TAMM41: variants seen among roughly 807,000 people sequenced by gnomAD.
The protein encoded by TAMM41 is phosphatidate cytidylyltransferase, mitochondrial.
In TAMM41, 36 loss-of-function variants were observed where a neutral mutation model predicts 44.1. The ratio of observed to expected loss-of-function variants is 0.82; its 90% confidence interval spans 0.63 to 1.08. The LOEUF is 1.08. TAMM41 is among the 50% of genes least tolerant of loss of function. The pLI, the probability that TAMM41 is intolerant of heterozygous loss-of-function variation, is 0.00. For synonymous variants in TAMM41, 164 were observed against 153.1 expected (o/e 1.07, Z -0.53); for missense variants, 417 against 404.3 (o/e 1.03, Z -0.27).
At chr3:11,733,004 G>GTT in the TAMM41 span, among the ~76,000 whole-genome samples, 35 of 77,952 alleles carry the variant, frequency 4.5e-4, no homozygotes, top group Non-Finnish European at 7.2e-4. Context: ...TTTTTTGTTT[G>GTT]TTTGTTTGTT....
the TAMM41 span, among the ~76,000 whole-genome samples, chr3:11,726,407 C>G: frequency 6.6e-6 from 1 of 152,344 alleles, no homozygotes; most frequent in East Asian, 1.9e-4. Context: ...ACCTGCTCTG[C>G]CTGGAGCCCT....
chr3:11,758,756 C>T, the TAMM41 span, among the ~76,000 whole-genome samples: 1 of 150,156 alleles, frequency 6.7e-6, no homozygotes, highest in South Asian at 2.1e-4. Context: ...TCACTGCAAC[C>T]CCCGCCTCCC....
the TAMM41 span, chr3:11,771,226 ATGGGGGAC>A: frequency 1.4e-4 from 22 of 152,440 alleles, no homozygotes; most frequent in African/African-American, 5.1e-4. Flanking sequence ...GACACTAGGG[ATGGGGGAC>A]TGGCTCACCT....
intron 7 of TAMM41, chr3:11,807,330 A>G: frequency 6.9e-7 from 1 of 1,454,350 alleles, no homozygotes; most frequent in Non-Finnish European, 9.0e-7. Flanking sequence ...GGTGGGTGCC[A>G]GAGTTGACTT....
intron 6 of TAMM41, 175 bp from the exon 7 acceptor site, chr3:11,808,070 G>A: frequency 7.8e-7 from 1 of 1,288,330 alleles, no homozygotes; most frequent in Non-Finnish European, 1.0e-6. Flanking sequence ...TTGAGGGCCA[G>A]GAGACCAGAG....
intron 5 of TAMM41, among the ~76,000 whole-genome samples, chr3:11,810,329 A>G (rs1338405651): frequency 1.3e-5 from 2 of 152,364 alleles, no homozygotes; most frequent in East Asian, 3.8e-4. Flanking sequence ...CGGTTCCCAA[A>G]GTATTCTAAA....
chr3:11,749,973 C>G, the TAMM41 span, among the ~76,000 whole-genome samples: 1 of 151,084 alleles, frequency 6.6e-6, no homozygotes, highest in Non-Finnish European at 1.5e-5. Context: ...TCTGGGCTCA[C>G]TGCAAGCTCC....
chr3:11,820,693 C>A lies in TAMM41; in HGVS notation c.563-3356G>T, dbSNP rs1275904210. ...ATAACATCATGGGCACAGCACGAAC[C>A]AGCATCTGATCATAACAATCAATTT... On this transcript the variant is annotated intron_variant, in intron 4 of 7. Coordinates refer to ENST00000455809, the MANE Select transcript of TAMM41 (RefSeq NM_001284401.2). Among the ~76,000 whole-genome samples the A allele has an allele frequency of 4.6e-4, 70 of 152,196 alleles. 1 individual carries two copies. The highest frequency in any genetic ancestry group is 4.6e-3 in the Admixed American group (70 of 15,278).
chr3:11,736,311 C>T, the TAMM41 span, among the ~76,000 whole-genome samples: 103 of 152,230 alleles, frequency 6.8e-4, no homozygotes, highest in Middle Eastern at 3.4e-3. Flanking sequence ...CCTGGGCAGG[C>T]GCTTCCCATC....
At chr3:11,816,607 A>C (rs2078286855) in intron 5 of TAMM41, among the ~76,000 whole-genome samples, 1 of 152,124 alleles carries the variant, frequency 6.6e-6, no homozygotes, top group Non-Finnish European at 1.5e-5. Context: ...CTACAAAAAA[A>C]ATACAAAAAT....
intron 7 of TAMM41, among the ~76,000 whole-genome samples, chr3:11,793,183 A>G (rs1323960618): frequency 6.6e-6 from 1 of 152,204 alleles, no homozygotes; most frequent in East Asian, 1.9e-4. Flanking sequence ...AGTAAGCAAA[A>G]GAGACAACTC....
chr3:11,828,227 CTA>C (rs2078837715), intron 4 of TAMM41, among the ~76,000 whole-genome samples: 1 of 152,148 alleles, frequency 6.6e-6, no homozygotes, highest in African/African-American at 2.4e-5. Flanking sequence ...CCTACAGAGC[CTA>C]TGTCATTTTC....
At chr3:11,729,530 CTTTCTTTCATTTTT>C in the TAMM41 span, among the ~76,000 whole-genome samples, 2 of 52,820 alleles carry the variant, frequency 3.8e-5, no homozygotes, top group African/African-American at 1.3e-4. Context: ...TCTTTCTTTT[CTTTCTTTCATTTTT>C]TTTTTTTTTT....
At chr3:11,773,076 C>T in the TAMM41 span, among the ~76,000 whole-genome samples, 1 of 152,124 alleles carries the variant, frequency 6.6e-6, no homozygotes, top group Non-Finnish European at 1.5e-5. Context: ...CCTGCCTCAT[C>T]CTCCCGAGTA....
the TAMM41 span, among the ~76,000 whole-genome samples, chr3:11,756,619 A>T: frequency 6.6e-6 from 1 of 152,100 alleles, no homozygotes; most frequent in Non-Finnish European, 1.5e-5. Context: ...TAATCTCAGC[A>T]CTTTGGGAGG....
chr3:11,774,347 G>A, the TAMM41 span, among the ~76,000 whole-genome samples: 1 of 152,178 alleles, frequency 6.6e-6, no homozygotes, highest in Non-Finnish European at 1.5e-5. Context: ...CCCTTTCTAT[G>A]TGCACCTGGA....
chr3:11,808,074 AC>A, intron 6 of TAMM41, 179 bp from the exon 7 acceptor site: 1 of 1,267,782 alleles, frequency 7.9e-7, no homozygotes, highest in Non-Finnish European at 1.0e-6. Flanking sequence ...GGGCCAGGAG[AC>A]CAGAGCAGCC....
intron 4 of TAMM41, among the ~76,000 whole-genome samples, chr3:11,824,667 G>C (rs1383903818): frequency 1.3e-5 from 2 of 152,126 alleles, no homozygotes; most frequent in African/African-American, 4.8e-5. Flanking sequence ...TATTGGTTCA[G>C]GAAGGAAGCA....
chr3:11,809,113 T>A (rs1309149130), intron 6 of TAMM41: 1 of 287,964 alleles, frequency 3.5e-6, no homozygotes, highest in Non-Finnish European at 6.5e-6. Flanking sequence ...CAACAATGTA[T>A]GAGACACATC....
Sources: allele counts gnomAD v4.1 joint callset (sites outside exome capture counted in the v4.1 genomes callset), GRCh38; gene constraint gnomAD v4.1.1; transcripts MANE v1.5; gene names NCBI Gene and HGNC (gene_info 2026-07-23, HGNC 2026-07-21).